Variants in TMEM74 observed in about 807,000 individuals in gnomAD.
TMEM74 encodes the protein transmembrane protein 74.
A neutral mutation model predicts 18.1 loss-of-function variants in TMEM74; 13 were observed. The ratio of observed to expected loss-of-function variants is 0.72; its 90% confidence interval spans 0.47 to 1.14. The LOEUF is 1.14. TMEM74 is among the 50% of genes most tolerant of loss of function. The pLI is 0.00. For missense variants in TMEM74, 372 were observed against 375.9 expected (o/e 0.99, Z 0.09); for synonymous variants, 159 against 146.6 (o/e 1.08, Z -0.61).
At chr8:108,710,538 T>C (rs1041832108) in intron 1 of TMEM74, among the ~76,000 whole-genome samples, 1 of 152,336 alleles carries the variant, frequency 6.6e-6, no homozygotes, top group African/African-American at 2.4e-5. Context: ...GATGAGCAGA[T>C]AGCTGAAAGA....
Position 108,787,494 on chromosome 8 carries a change from G to C in TMEM74, c.-58C>G, listed in dbSNP as rs569105182. On this transcript the variant is annotated 5_prime_UTR_variant, in exon 1 of 2. Coordinates refer to ENST00000297459, the MANE Select transcript of TMEM74 (RefSeq NM_153015.3). Reference sequence around the variant, plus strand: ...CACTCACCTTCTGCTTCGGCCACCCGGTGCGGCTCCAGCACCGCGCGCTCT... The same window carrying C: ...CACTCACCTTCTGCTTCGGCCACCCCGTGCGGCTCCAGCACCGCGCGCTCT... 6.5e-6 allele frequency: 1 copy of C among 152,872 alleles called. No individual in the cohort carries two copies. Among genetic ancestry groups the C allele is most frequent in the South Asian group, 2.1e-4 (1 of 4,826 alleles). 9.5% of individuals were successfully genotyped at this position (152,872 alleles called of 1,614,324 possible).
intron 2 of TMEM74, among the ~76,000 whole-genome samples, chr8:108,619,906 G>T (rs568091355): frequency 5.9e-5 from 9 of 152,262 alleles, no homozygotes; most frequent in African/African-American, 2.2e-4. Flanking sequence ...GAGAGTCTAT[G>T]TTGGAATCAG....
intron 2 of TMEM74, chr8:108,655,174 T>C (rs1812809608): frequency 6.6e-6 from 1 of 152,168 alleles, no homozygotes; most frequent in Non-Finnish European, 1.5e-5. Context: ...GAGTTACTCC[T>C]GAACCCATTA....
At chr8:108,679,558 G>C (rs1173283329) in intron 1 of TMEM74, among the ~76,000 whole-genome samples, 1 of 152,180 alleles carries the variant, frequency 6.6e-6, no homozygotes, top group Non-Finnish European at 1.5e-5. Context: ...TTTGAGAAGT[G>C]TCTGTTCATA....
chr8:108,743,622 G>A (rs1203852702), intron 1 of TMEM74, among the ~76,000 whole-genome samples: 1 of 152,124 alleles, frequency 6.6e-6, no homozygotes, highest in African/African-American at 2.4e-5. Context: ...TTACCTGGCA[G>A]ACTTGTCTAT....
intron 1 of TMEM74, among the ~76,000 whole-genome samples, chr8:108,764,336 A>G (rs559393126): frequency 1.3e-5 from 2 of 152,334 alleles, no homozygotes; most frequent in South Asian, 4.1e-4. Flanking sequence ...AACAAACACT[A>G]AAACTAAAAC....
chr8:108,633,171 C>T (rs561442435), intron 2 of TMEM74, among the ~76,000 whole-genome samples: 2 of 152,052 alleles, frequency 1.3e-5, no homozygotes, highest in South Asian at 2.1e-4. Context: ...CTGTAATAAT[C>T]GCTGACTTTT....
chr8:108,661,176 C>T (rs1227932814), intron 1 of TMEM74, among the ~76,000 whole-genome samples: 1 of 151,862 alleles, frequency 6.6e-6, no homozygotes, highest in African/African-American at 2.4e-5. Context: ...TTACCTATTC[C>T]AAGATTCTTA....
intron 2 of TMEM74, among the ~76,000 whole-genome samples, chr8:108,644,680 C>T (rs961797061): frequency 2.0e-5 from 3 of 152,002 alleles, no homozygotes; most frequent in South Asian, 2.1e-4. Flanking sequence ...CCTGTTAAAA[C>T]GTGCGCAGAG....
intron 2 of TMEM74, chr8:108,653,195 T>C (rs1745706544): frequency 6.3e-6 from 1 of 158,748 alleles, no homozygotes. Context: ...AACTCTCATT[T>C]AGGGATGCTG....
rs969013350 is a variant in TMEM74, at chr8:108,718,202, C to T, written n.120-62765G>A. Among the ~76,000 whole-genome samples, 20 of 71,170 alleles carry T rather than the reference C, an allele frequency of 2.8e-4. 4 individuals are homozygous for T. The highest frequency in any genetic ancestry group is 4.5e-4 in the Non-Finnish European group (20 of 44,476). 46.7% of individuals were successfully genotyped at this position (71,170 alleles called of 152,430 possible). ...CTCGATCTCCTGACCTCGTGATCCG[C>T]CCGCCTCGGCCTCCCAAAGTGCTGG... On this transcript the variant is annotated intron_variant and non_coding_transcript_variant, in intron 1 of 3. Coordinates refer to the TMEM74 transcript ENST00000518838.
intron 1 of TMEM74, among the ~76,000 whole-genome samples, chr8:108,690,718 A>G (rs1264063309): frequency 6.6e-6 from 1 of 152,134 alleles, no homozygotes; most frequent in Non-Finnish European, 1.5e-5. Context: ...GCTACTCAGG[A>G]GGCTGAGGCA....
intron 1 of TMEM74, among the ~76,000 whole-genome samples, chr8:108,756,446 C>T (rs1052605292): frequency 6.6e-6 from 1 of 150,914 alleles, no homozygotes. Context: ...CTCTTACGCT[C>T]CTCAATTTTA....
chr8:108,699,976 A>G (rs1473378650), intron 1 of TMEM74, among the ~76,000 whole-genome samples: 1 of 152,190 alleles, frequency 6.6e-6, no homozygotes, highest in Non-Finnish European at 1.5e-5. Context: ...AAATTTATTC[A>G]ATTGAAAGCA....
intron 2 of TMEM74, among the ~76,000 whole-genome samples, chr8:108,650,167 T>C (rs1394702221): frequency 2.0e-5 from 3 of 152,170 alleles, no homozygotes; most frequent in Non-Finnish European, 4.4e-5. Context: ...TACCAAAATC[T>C]GTTGTCCCAT....
intron 2 of TMEM74, among the ~76,000 whole-genome samples, chr8:108,616,491 G>A (rs1346800218): frequency 6.6e-6 from 1 of 152,122 alleles, no homozygotes; most frequent in East Asian, 1.9e-4. Flanking sequence ...GTATTTAGTG[G>A]AAAGGTTGGG....
intron 1 of TMEM74, among the ~76,000 whole-genome samples, chr8:108,657,872 A>G (rs1372552523): frequency 1.6e-5 from 1 of 60,808 alleles, no homozygotes; most frequent in Admixed American, 1.9e-4. Flanking sequence ...ATATATATAT[A>G]TATATATATA....
intron 1 of TMEM74, among the ~76,000 whole-genome samples, chr8:108,698,825 C>T (rs1480218719): frequency 6.6e-6 from 1 of 152,020 alleles, no homozygotes; most frequent in African/African-American, 2.4e-5. Context: ...TGACTCTGTT[C>T]TTAAATACGA....
chr8:108,669,574 T>C (rs1812982289), intron 1 of TMEM74, among the ~76,000 whole-genome samples: 1 of 152,188 alleles, frequency 6.6e-6, no homozygotes, highest in Non-Finnish European at 1.5e-5. Context: ...ATTAGAACAA[T>C]AAGATATTAG....
Sources: gnomAD v4.1 joint callset for allele counts (sites outside exome capture counted in the v4.1 genomes callset) on GRCh38, gnomAD v4.1.1 for gene constraint, MANE v1.5 for transcripts, NCBI Gene and HGNC (gene_info 2026-07-23, HGNC 2026-07-21) for gene names.